The following TBX19 variants were observed in gnomAD, a reference collection of about 807,000 sequenced individuals.
TBX19 encodes T-box transcription factor TBX19.
A neutral mutation model predicts 40.9 loss-of-function variants in TBX19; 33 were observed. The ratio of observed to expected loss-of-function variants is 0.81; its 90% CI spans 0.61 to 1.08. The LOEUF (loss-of-function observed/expected upper bound fraction) is 1.08, where lower values mean the gene tolerates loss of function less well. Ranked by LOEUF, TBX19 falls within the 50% of genes least tolerant of loss-of-function variation. The probability of loss-of-function intolerance (pLI) is 0.00; values close to 1 mark genes in which losing one functional copy is unlikely to be tolerated. For missense variants in TBX19, 494 were observed against 574.0 expected (o/e 0.86, Z 1.42); for synonymous variants, 220 against 225.0 (o/e 0.98, Z 0.20).
In TBX19 at chr1:168,291,187, T is replaced by C. The variant is rs1427557668; in HGVS notation, c.231T>C (p.Ser77=). The C allele has an allele frequency of 1.2e-6, 2 of 1,614,208 alleles. No individual in the cohort carries two copies. The highest frequency in any genetic ancestry group is 1.7e-6 in the Non-Finnish European group (2 of 1,180,038). The change falls in exon 2 of 8, where the codon AGT becomes AGC. Residue 77 remains serine, a synonymous_variant. Transcript: ENST00000367821. ...GRRMFPVLKI[S]VTGLDPNAMY... ...GGATGTTTCCAGTCCTAAAGATTAG[T>C]GTCACAGGGTTGGACCCCAATGCCA...
At chr1:168,309,068 T>C (rs1335428092) in intron 7 of TBX19, among the ~76,000 whole-genome samples, 191 bp downstream of exon 7, 1 of 152,204 alleles carries the variant, frequency 6.6e-6, no homozygotes, top group East Asian at 1.9e-4. Flanking sequence ...AGTCATATAC[T>C]GTTTCTTTTA....
intron 6 of TBX19, among the ~76,000 whole-genome samples, chr1:168,305,492 C>T (rs992563238): frequency 1.3e-5 from 2 of 152,186 alleles, no homozygotes; most frequent in Non-Finnish European, 2.9e-5. Flanking sequence ...GCAGTTCAGG[C>T]AGATCTCTAA....
chr1:168,302,363 G>C (rs1325702223), intron 5 of TBX19, among the ~76,000 whole-genome samples: 2 of 152,190 alleles, frequency 1.3e-5, no homozygotes, highest in African/African-American at 4.8e-5. Flanking sequence ...AGCGAAGGCG[G>C]TGGGTTCTAA....
At chr1:168,309,796 A>T (rs1649482194) in intron 7 of TBX19, among the ~76,000 whole-genome samples, 1 of 152,138 alleles carries the variant, frequency 6.6e-6, no homozygotes, top group African/African-American at 2.4e-5. Flanking sequence ...GGCTTTGGGC[A>T]ATTTTCTTAG....
In TBX19 at chr1:168,313,915, G is replaced by GA. The variant is rs748385282; in HGVS notation, c.*921dup. On this transcript the variant is annotated 3_prime_UTR_variant, in exon 8 of 8. Coordinates refer to ENST00000367821, the MANE Select transcript of TBX19 (RefSeq NM_005149.3). Reference sequence around the variant, plus strand: ...GGTAGATCAAGGCTTTGTTTCATTTGAAAAAAAAGAAAGAAAGAAAGAAAG... The same window carrying GA: ...GGTAGATCAAGGCTTTGTTTCATTTGAAAAAAAAAGAAAGAAAGAAAGAAAG... 1.0e-4 allele frequency: 13 copies of GA among 125,452 alleles called. No individual in the cohort carries two copies. The highest frequency in any genetic ancestry group is 5.8e-4 in the Admixed American group (7 of 12,052). The allele number at this position is 125,452 out of a possible 1,614,324, so 7.8% of individuals were successfully genotyped here.
intron 1 of TBX19, among the ~76,000 whole-genome samples, chr1:168,285,707 A>C (rs2102350880): frequency 6.6e-6 from 1 of 152,320 alleles, no homozygotes; most frequent in South Asian, 2.1e-4. Flanking sequence ...TTACTTAGGG[A>C]CTGATTTACA....
chr1:168,304,214 A>G (rs1316802900), intron 5 of TBX19, among the ~76,000 whole-genome samples: 1 of 152,220 alleles, frequency 6.6e-6, no homozygotes, highest in Non-Finnish European at 1.5e-5. Context: ...ACTCAAATCA[A>G]TCTCTTCAAA....
At chr1:168,305,245 GC>G in intron 6 of TBX19, 49 bp downstream of exon 6, 1 of 1,578,770 alleles carries the variant, frequency 6.3e-7, no homozygotes, top group South Asian at 1.1e-5. Flanking sequence ...TGGGGTGGGG[GC>G]AGTCAGGAGA....
At chr1:168,309,512 T>C (rs967244342) in intron 7 of TBX19, among the ~76,000 whole-genome samples, 8 of 152,144 alleles carry the variant, frequency 5.3e-5, no homozygotes, top group African/African-American at 1.9e-4. Context: ...AGGAAAAGTA[T>C]AAATATACAC....
At position 168,306,492 on chromosome 1, in the gene TBX19, C is replaced by T. The variant is rs999869204; in HGVS notation, c.916+1296C>T. Among the ~76,000 whole-genome samples, 8 of 151,564 alleles carry T rather than the reference C, an allele frequency of 5.3e-5. No individual in the cohort carries two copies. In the East Asian group the frequency reaches 1.2e-3, roughly 22 times the overall value. On this transcript the variant is annotated intron_variant, in intron 6 of 7. Transcript: ENST00000367821. The stretch of plus-strand genomic sequence containing the variant: ...AATACAAAAACTAGCCAGGCGTGGT[C>T]GTTGGCGCCTGTAATCCCAGCTACT...
At chr1:168,289,682 GT>G in intron 1 of TBX19, among the ~76,000 whole-genome samples, 1 of 152,204 alleles carries the variant, frequency 6.6e-6, no homozygotes, top group Non-Finnish European at 1.5e-5. Flanking sequence ...TTCATGCAAA[GT>G]GCTTATTCCC....
chr1:168,294,457 C>T (rs1424849915), intron 3 of TBX19, among the ~76,000 whole-genome samples: 1 of 152,026 alleles, frequency 6.6e-6, no homozygotes, highest in Non-Finnish European at 1.5e-5. Context: ...CCTCAGCCTT[C>T]CGAGTAGCTA....
At chr1:168,302,836 A>G (rs971738077) in intron 5 of TBX19, among the ~76,000 whole-genome samples, 2 of 152,080 alleles carry the variant, frequency 1.3e-5, no homozygotes, top group Non-Finnish European at 2.9e-5. Flanking sequence ...AGGCACCTTC[A>G]CACTCGGCAG....
At chr1:168,303,660 A>G (rs1337268265) in intron 5 of TBX19, among the ~76,000 whole-genome samples, 1 of 152,222 alleles carries the variant, frequency 6.6e-6, no homozygotes, top group African/African-American at 2.4e-5. Flanking sequence ...GGGCTGCTCA[A>G]CTGAGTATAC....
At chr1:168,309,475 T>C (rs1649476481) in intron 7 of TBX19, among the ~76,000 whole-genome samples, 1 of 152,168 alleles carries the variant, frequency 6.6e-6, no homozygotes, top group African/African-American at 2.4e-5. Flanking sequence ...TGGTAGCAAA[T>C]AGATACTGAC....
In TBX19 at chr1:168,293,138, C is replaced by G; in HGVS notation, c.469-6C>G. 2 of 1,613,716 alleles carry G rather than the reference C, an allele frequency of 1.2e-6. No individual in the cohort carries two copies. Among genetic ancestry groups the G allele is most frequent in the South Asian group, 1.1e-5 (1 of 91,062 alleles). On this transcript the variant is annotated splice_region_variant and splice_polypyrimidine_tract_variant and intron_variant, in intron 2 of 7. Coordinates refer to ENST00000367821, the MANE Select transcript of TBX19 (RefSeq NM_005149.3). Reference sequence around the variant, plus strand: ...TTCTCCTCTTTCTCTTCTCCTGCCTCGACAGATAATGTTGAATTCTCTGCA... The same window carrying G: ...TTCTCCTCTTTCTCTTCTCCTGCCTGGACAGATAATGTTGAATTCTCTGCA...
chr1:168,300,563 T>C, intron 5 of TBX19, 80 bp downstream of exon 5: 1 of 1,315,370 alleles, frequency 7.6e-7, no homozygotes, highest in South Asian at 1.2e-5. Context: ...ACTCTTTGCC[T>C]GTCAGGACTG....
intron 5 of TBX19, 50 bp downstream of exon 5, chr1:168,300,533 C>T (rs751196717): frequency 2.7e-5 from 42 of 1,533,844 alleles, no homozygotes; most frequent in Non-Finnish European, 3.5e-5. Flanking sequence ...GTACCTGGAG[C>T]CAGCTCCTTC....
intron 6 of TBX19, among the ~76,000 whole-genome samples, chr1:168,307,819 C>T (rs1171141126): frequency 6.6e-6 from 1 of 152,154 alleles, no homozygotes; most frequent in African/African-American, 2.4e-5. Context: ...TTACTGCTGT[C>T]AAGCAAATTA....
Sources: gnomAD v4.1 joint callset for allele counts (sites outside exome capture counted in the v4.1 genomes callset) on GRCh38, gnomAD v4.1.1 for gene constraint, MANE v1.5 for transcripts, NCBI Gene and HGNC (gene_info 2026-07-23, HGNC 2026-07-21) for gene names.